The following CDH4 variants were observed in gnomAD, a reference collection of about 807,000 sequenced individuals.
CDH4 encodes the protein cadherin 4.
A neutral mutation model predicts 86.0 loss-of-function variants in CDH4; 33 were observed. The ratio of observed to expected loss-of-function variants is 0.38; its 90% confidence interval spans 0.29 to 0.51. The LOEUF (loss-of-function observed/expected upper bound fraction) is 0.51. Ranked by LOEUF, CDH4 falls within the 20% of genes least tolerant of loss-of-function variation. CDH4 has a pLI of 0.86. For missense variants in CDH4, 1,114 were observed against 1,307.4 expected (o/e 0.85, Z 2.28); for synonymous variants, 555 against 549.4 (o/e 1.01, Z -0.14).
At chr20:61,438,044 A>T (rs764095109) in intron 2 of CDH4, among the ~76,000 whole-genome samples, 106 of 152,096 alleles carry the variant, frequency 7.0e-4, no homozygotes, top group Non-Finnish European at 1.1e-3. Context: ...GACTCCAACA[A>T]CGTTTTATTT....
rs796629760 is a variant in CDH4 at position 61,699,725 on chromosome 20, A to T, written c.170-43838A>T. Among the ~76,000 whole-genome samples, 20 of 151,770 alleles carry T rather than the reference A, an allele frequency of 1.3e-4. 1 individual carries two copies. Among genetic ancestry groups the T allele is most frequent in the African/African-American group, 4.3e-4 (18 of 41,528 alleles). ...GAAGACAAATTAGAGGGGAAGAAAGAGTCTGAGCGGGAGCAGGCCTGCTGC... is the reference window on the plus strand; with the variant it reads ...GAAGACAAATTAGAGGGGAAGAAAGTGTCTGAGCGGGAGCAGGCCTGCTGC... On this transcript the variant is annotated intron_variant, in intron 2 of 15. Coordinates refer to ENST00000614565, the MANE Select transcript of CDH4 (RefSeq NM_001794.5).
At chr20:61,273,299 T>C (rs1192325582) in intron 2 of CDH4, among the ~76,000 whole-genome samples, 7 of 123,214 alleles carry the variant, frequency 5.7e-5, no homozygotes, top group Non-Finnish European at 9.9e-5. Flanking sequence ...GGAAGTACCA[T>C]GTGCAGTTTG....
At chr20:61,590,966 C>T (rs2145731771) in intron 2 of CDH4, among the ~76,000 whole-genome samples, 1 of 151,808 alleles carries the variant, frequency 6.6e-6, no homozygotes, top group South Asian at 2.1e-4. Context: ...AATGCTGAGC[C>T]ATGAACAGCA....
intron 6 of CDH4, among the ~76,000 whole-genome samples, chr20:61,866,123 A>C (rs1983537352): frequency 6.6e-6 from 1 of 152,076 alleles, no homozygotes; most frequent in South Asian, 2.1e-4. Context: ...ACCCCCTGGC[A>C]TGGGGGATTT....
intron 13 of CDH4, among the ~76,000 whole-genome samples, chr20:61,931,320 C>T (rs892493323): frequency 6.6e-6 from 1 of 152,232 alleles, no homozygotes; most frequent in African/African-American, 2.4e-5. Flanking sequence ...GCACTTCCCT[C>T]TCCACGATCT....
chr20:61,560,614 G>T (rs555468776), intron 2 of CDH4, among the ~76,000 whole-genome samples: 5 of 152,148 alleles, frequency 3.3e-5, no homozygotes, highest in African/African-American at 7.2e-5. Flanking sequence ...GAAGACAAAG[G>T]TCACAGCAGC....
chr20:61,850,510 A>G (rs1247638636), intron 5 of CDH4, among the ~76,000 whole-genome samples: 1 of 152,186 alleles, frequency 6.6e-6, no homozygotes, highest in Non-Finnish European at 1.5e-5. Flanking sequence ...GGAGCATTAG[A>G]TCCCACACAC....
intron 2 of CDH4, among the ~76,000 whole-genome samples, chr20:61,418,224 T>C (rs62881260): frequency 2.4e-4 from 28 of 118,070 alleles, no homozygotes; most frequent in Admixed American, 8.1e-4. Context: ...TTTTTTTTTT[T>C]CCCTGAGACA....
intron 9 of CDH4, among the ~76,000 whole-genome samples, chr20:61,921,931 A>C (rs1568889355): frequency 6.6e-6 from 1 of 152,128 alleles, no homozygotes. Flanking sequence ...ATACATATAC[A>C]AATCATATTT....
intron 2 of CDH4, among the ~76,000 whole-genome samples, chr20:61,289,471 G>A (rs1343288056): frequency 1.3e-5 from 2 of 152,344 alleles, no homozygotes; most frequent in East Asian, 1.9e-4. Flanking sequence ...TAAGGGGTAC[G>A]GGGTGTCGCC....
chr20:61,541,972 G>A (rs2086042874), intron 2 of CDH4, among the ~76,000 whole-genome samples: 1 of 152,184 alleles, frequency 6.6e-6, no homozygotes, highest in Non-Finnish European at 1.5e-5. Flanking sequence ...GCAATGAAAG[G>A]TGAGTGGAAG....
At chr20:61,382,730 G>A (rs1042725806) in intron 2 of CDH4, among the ~76,000 whole-genome samples, 1 of 152,118 alleles carries the variant, frequency 6.6e-6, no homozygotes, top group South Asian at 2.1e-4. Context: ...GTCTTCATGT[G>A]GTTCTCCTCG....
At chr20:61,891,873 C>G (rs1455877420) in intron 7 of CDH4, among the ~76,000 whole-genome samples, 1 of 152,216 alleles carries the variant, frequency 6.6e-6, no homozygotes, top group Non-Finnish European at 1.5e-5. Context: ...GATCCCCAGC[C>G]CTCCCTCCCT....
intron 8 of CDH4, among the ~76,000 whole-genome samples, chr20:61,903,016 C>CAAAAAAAAAAAAAAAAAAAAAAAAAAAA (rs58490650): frequency 1.2e-5 from 1 of 83,104 alleles, no homozygotes; most frequent in Non-Finnish European, 2.4e-5. Context: ...AAGACTGTCT[C>CAAAAAAAAAAAAAAAAAAAAAAAAAAAA]AAAAAAAAAA....
Position 61,934,053 on chromosome 20 carries a change from C to G in CDH4, c.2380-3C>G. On this transcript the variant is annotated splice_polypyrimidine_tract_variant and splice_region_variant and intron_variant, in intron 14 of 15. Transcript: ENST00000614565. The stretch of plus-strand genomic sequence containing the variant: ...CCTGACTCCTCCCGGCTCCCTCCCC[C>G]AGGACTACGACCTCAGCCAGCTGCA... The G allele has an allele frequency of 6.2e-7, 1 of 1,610,776 alleles. No homozygotes were observed. The highest frequency in any genetic ancestry group is 8.5e-7 in the Non-Finnish European group (1 of 1,179,774).
intron 4 of CDH4, among the ~76,000 whole-genome samples, chr20:61,790,544 CATCT>C (rs1979124943): frequency 6.6e-6 from 1 of 150,396 alleles, no homozygotes; most frequent in South Asian, 2.1e-4. Flanking sequence ...TCCTTCCATC[CATCT>C]ACCTACCCAC....
intron 11 of CDH4, among the ~76,000 whole-genome samples, chr20:61,924,752 G>C (rs1038510012): frequency 2.6e-5 from 4 of 152,120 alleles, no homozygotes; most frequent in Admixed American, 6.6e-5. Context: ...GGTGTGCCTG[G>C]TCTTTCCCCC....
At chr20:61,612,469 G>A (rs1489539353) in intron 2 of CDH4, among the ~76,000 whole-genome samples, 2 of 152,090 alleles carry the variant, frequency 1.3e-5, no homozygotes, top group African/African-American at 4.8e-5. Context: ...ATCAGCAGCT[G>A]TGCCTCTCAT....
intron 2 of CDH4, among the ~76,000 whole-genome samples, chr20:61,522,438 C>T (rs1479208486): frequency 3.3e-5 from 5 of 152,222 alleles, no homozygotes; most frequent in African/African-American, 9.6e-5. Context: ...TCCCTGACAC[C>T]AAATGTCGCA....
Sources: gnomAD v4.1 joint callset for allele counts (sites outside exome capture counted in the v4.1 genomes callset) on GRCh38, gnomAD v4.1.1 for gene constraint, MANE v1.5 for transcripts, NCBI Gene and HGNC (gene_info 2026-07-23, HGNC 2026-07-21) for gene names.